The following GSK3B variants were observed in gnomAD, a reference collection of about 807,000 sequenced individuals.
GSK3B encodes the protein glycogen synthase kinase 3 beta, also known as glycogen synthase kinase-3 beta.
GSK3B carries 15 observed loss-of-function variants against 56.4 expected under a neutral mutation model. That is an observed-to-expected ratio of 0.27 (90% confidence interval 0.18 to 0.41). The LOEUF (loss-of-function observed/expected upper bound fraction) is 0.41. Among genes scored for constraint, GSK3B ranks in the 10% least tolerant of loss-of-function variants. GSK3B has a pLI of 1.00. For missense variants in GSK3B, 300 were observed against 513.4 expected, an observed-to-expected ratio of 0.58 and a Z score of 4.02; for synonymous variants, 181 against 188.9, an observed-to-expected ratio of 0.96 and a Z score of 0.34.
At chr3:119,986,044 A>G (rs1048606528) in intron 2 of GSK3B, among the ~76,000 whole-genome samples, 2 of 152,198 alleles carry the variant, frequency 1.3e-5, no homozygotes, top group Non-Finnish European at 2.9e-5. Flanking sequence ...ATCTACAACC[A>G]TCTGATCTTT....
At chr3:119,863,992 C>G (rs949018652) in intron 8 of GSK3B, among the ~76,000 whole-genome samples, 1 of 151,842 alleles carries the variant, frequency 6.6e-6, no homozygotes, top group Non-Finnish European at 1.5e-5. Context: ...TTTTTTTAGC[C>G]GAACAATTGT....
intron 1 of GSK3B, among the ~76,000 whole-genome samples, chr3:120,031,789 C>T (rs6797689): frequency 0.1 from 15,937 of 152,200 alleles, 951 homozygotes; most frequent in African/African-American, 0.17. Context: ...ATGCACTGTC[C>T]ATGAGGAGAT....
At chr3:120,052,305 A>G (rs903822329) in intron 1 of GSK3B, among the ~76,000 whole-genome samples, 2 of 152,240 alleles carry the variant, frequency 1.3e-5, no homozygotes, top group Non-Finnish European at 2.9e-5. Flanking sequence ...TTTTAAGAGC[A>G]CAAGTCTCAT....
chr3:119,917,315 C>T (rs748952756), intron 4 of GSK3B, among the ~76,000 whole-genome samples: 13 of 152,046 alleles, frequency 8.6e-5, no homozygotes, highest in Admixed American at 8.5e-4. Context: ...TTAATGTGAA[C>T]TATTAGCTGG....
intron 10 of GSK3B, among the ~76,000 whole-genome samples, chr3:119,835,895 G>C (rs1229999078): frequency 1.3e-5 from 2 of 151,888 alleles, no homozygotes; most frequent in African/African-American, 2.4e-5. Flanking sequence ...GATGAGGGAG[G>C]GTAACTGTCA....
intron 9 of GSK3B, among the ~76,000 whole-genome samples, chr3:119,859,922 A>T (rs191047083): frequency 2.6e-5 from 4 of 152,316 alleles, no homozygotes; most frequent in Admixed American, 6.5e-5. Context: ...TTATCTCCCT[A>T]CAAAGCTACC....
At chr3:119,963,905 C>T (rs1320870607) in intron 2 of GSK3B, among the ~76,000 whole-genome samples, 3 of 152,046 alleles carry the variant, frequency 2.0e-5, no homozygotes, top group Admixed American at 6.5e-5. Context: ...GATCTGAAAA[C>T]GTAGAACCCT....
At chr3:120,033,844 T>C (rs908577336) in intron 1 of GSK3B, among the ~76,000 whole-genome samples, 1 of 152,172 alleles carries the variant, frequency 6.6e-6, no homozygotes. Context: ...CCCCTTTCAC[T>C]TTCCACCATG....
chr3:119,977,493 T>C (rs1276584060), intron 2 of GSK3B, among the ~76,000 whole-genome samples: 2 of 152,230 alleles, frequency 1.3e-5, no homozygotes, highest in African/African-American at 2.4e-5. Flanking sequence ...ATGCTGTTAC[T>C]TTCTTAGAGC....
At chr3:119,898,577 A>T (rs188324869) in intron 7 of GSK3B, among the ~76,000 whole-genome samples, 1 of 152,148 alleles carries the variant, frequency 6.6e-6, no homozygotes, top group Non-Finnish European at 1.5e-5. Context: ...GACATTAAGG[A>T]TCATATAGTT....
At chr3:120,056,855 T>C (rs1435712312) in intron 1 of GSK3B, among the ~76,000 whole-genome samples, 1 of 152,046 alleles carries the variant, frequency 6.6e-6, no homozygotes, top group Non-Finnish European at 1.5e-5. Flanking sequence ...AAAAATAACC[T>C]TCAGAAGCTG....
intron 6 of GSK3B, among the ~76,000 whole-genome samples, chr3:119,909,544 C>T (rs2056715792): frequency 6.6e-6 from 1 of 152,182 alleles, no homozygotes; most frequent in Non-Finnish European, 1.5e-5. Flanking sequence ...GGCTAGTGGG[C>T]TAAGATGTAG....
intron 9 of GSK3B, among the ~76,000 whole-genome samples, chr3:119,855,630 G>C (rs984435156): frequency 1.3e-5 from 2 of 152,112 alleles, no homozygotes; most frequent in Non-Finnish European, 2.9e-5. Flanking sequence ...ACATATACAC[G>C]ATGGAATACT....
intron 9 of GSK3B, among the ~76,000 whole-genome samples, chr3:119,859,334 T>G (rs1243566884): frequency 6.6e-6 from 1 of 152,338 alleles, no homozygotes; most frequent in East Asian, 1.9e-4. Context: ...AGAAAATGCC[T>G]AGCACATGGG....
At chr3:119,857,316 T>G (rs969445369) in intron 9 of GSK3B, among the ~76,000 whole-genome samples, 3 of 152,210 alleles carry the variant, frequency 2.0e-5, no homozygotes, top group African/African-American at 4.8e-5. Context: ...CATTTTACCC[T>G]GGTAGAATTT....
Position 120,048,397 on chromosome 3 carries a change from A to T in GSK3B, c.88+44950T>A, listed in dbSNP as rs74646194. On this transcript the variant is annotated intron_variant, in intron 1 of 10. Transcript: ENST00000264235. ...ATTCAAATTGTTCCAAGACTCATAC[A>T]AAGTCTAGCATAGTCACTAAGAGCA... Among the ~76,000 whole-genome samples, 1,068 of 152,348 alleles carry T rather than the reference A, an allele frequency of 7.0e-3. 9 individuals are homozygous for T. Among genetic ancestry groups the T allele is most frequent in the Non-Finnish European group, 7.3e-3 (496 of 68,022 alleles).
At chr3:119,868,155 A>C (rs1432591477) in intron 8 of GSK3B, among the ~76,000 whole-genome samples, 1 of 152,034 alleles carries the variant, frequency 6.6e-6, no homozygotes, top group African/African-American at 2.4e-5. Flanking sequence ...AAAGAAAGAA[A>C]AGAGAAAGGA....
chr3:119,987,587 G>A (rs2057528182), intron 2 of GSK3B, among the ~76,000 whole-genome samples: 1 of 151,958 alleles, frequency 6.6e-6, no homozygotes, highest in Admixed American at 6.6e-5. Context: ...TGTAAATTGG[G>A]CATTAAAACA....
At chr3:119,967,554 T>C (rs1261905244) in intron 2 of GSK3B, among the ~76,000 whole-genome samples, 1 of 152,172 alleles carries the variant, frequency 6.6e-6, no homozygotes, top group African/African-American at 2.4e-5. Flanking sequence ...TAAGGACATA[T>C]GTTATCAATC....
Sources: gnomAD v4.1 joint callset for allele counts (sites outside exome capture counted in the v4.1 genomes callset) on GRCh38, gnomAD v4.1.1 for gene constraint, MANE v1.5 for transcripts, NCBI Gene and HGNC (gene_info 2026-07-23, HGNC 2026-07-21) for gene names.